Variants in SLC16A7 observed in about 807,000 individuals in gnomAD.
The protein encoded by SLC16A7 is monocarboxylate transporter 2.
Under a neutral mutation model 34.9 loss-of-function variants are expected in SLC16A7, and 33 were observed. That is an observed-to-expected ratio of 0.94 (90% confidence interval 0.72 to 1.26). The LOEUF (loss-of-function observed/expected upper bound fraction) is 1.26. SLC16A7 is among the 50% of genes most tolerant of loss of function. The pLI is 0.00. For synonymous variants in SLC16A7, 201 were observed against 206.6 expected, an observed-to-expected ratio of 0.97 and a Z score of 0.23; for missense variants, 573 against 578.1, an observed-to-expected ratio of 0.99 and a Z score of 0.09.
intron 3 of SLC16A7, among the ~76,000 whole-genome samples, chr12:59,745,094 C>T (rs941307097): frequency 6.6e-6 from 1 of 152,068 alleles, no homozygotes; most frequent in African/African-American, 2.4e-5. Flanking sequence ...GGTATTTACA[C>T]CCCTCCCCTC....
chr12:59,698,102 CTA>C (rs1010022990), intron 2 of SLC16A7, among the ~76,000 whole-genome samples: 8 of 151,590 alleles, frequency 5.3e-5, no homozygotes, highest in African/African-American at 7.3e-5. Flanking sequence ...GAGCAAAAAT[CTA>C]TGTTTTCCTA....
chr12:59,684,544 CAT>C (rs929362781), intron 2 of SLC16A7, among the ~76,000 whole-genome samples: 10 of 152,064 alleles, frequency 6.6e-5, no homozygotes, highest in African/African-American at 2.2e-4. Flanking sequence ...GTCAGAAAAA[CAT>C]AGTGTCTCTG....
chr12:59,749,897 A>AGAT (rs1315029144), intron 3 of SLC16A7, among the ~76,000 whole-genome samples: 1 of 152,236 alleles, frequency 6.6e-6, no homozygotes, highest in African/African-American at 2.4e-5. Context: ...GACTTGATGG[A>AGAT]GATGAAAGTT....
chr12:59,730,744 T>C (rs1434146280), intron 3 of SLC16A7, among the ~76,000 whole-genome samples: 1 of 152,224 alleles, frequency 6.6e-6, no homozygotes, highest in African/African-American at 2.4e-5. Flanking sequence ...AAAAACTCTT[T>C]CTTGAAATAC....
At chr12:59,717,166 G>T (rs1251279915) in intron 3 of SLC16A7, among the ~76,000 whole-genome samples, 1 of 152,138 alleles carries the variant, frequency 6.6e-6, no homozygotes, top group Non-Finnish European at 1.5e-5. Context: ...AGTGAGCATG[G>T]ATCTAGAGAC....
At chr12:59,615,291 A>T (rs146832298) in intron 1 of SLC16A7, among the ~76,000 whole-genome samples, 12 of 152,220 alleles carry the variant, frequency 7.9e-5, no homozygotes, top group African/African-American at 2.9e-4. Flanking sequence ...GCACAAACAG[A>T]CTAAGAGAAC....
At chr12:59,609,528 G>C (rs918388675) in intron 1 of SLC16A7, among the ~76,000 whole-genome samples, 69 of 147,412 alleles carry the variant, frequency 4.7e-4, no homozygotes, top group Admixed American at 4.1e-4. Context: ...AGGTAGATAG[G>C]GGGTTGGAGG....
At chr12:59,655,369 C>T (rs1056411426) in intron 2 of SLC16A7, 119 bp downstream of exon 2, 19 of 151,878 alleles carry the variant, frequency 1.3e-4, no homozygotes, top group African/African-American at 4.6e-4. Context: ...CTGTTTTAAT[C>T]CATTTTCTAA....
chr12:59,637,344 T>C (rs535664174), intron 1 of SLC16A7, among the ~76,000 whole-genome samples: 1 of 152,134 alleles, frequency 6.6e-6, no homozygotes, highest in Admixed American at 6.6e-5. Context: ...AAAAGGATTT[T>C]TTCTGCTAAA....
Position 59,771,216 on chromosome 12 carries a change from T to C in SLC16A7, c.218-3T>C. On this transcript the variant is annotated splice_polypyrimidine_tract_variant and splice_region_variant and intron_variant, in intron 3 of 5. Transcript: ENST00000547379. ...GTATTTCTTTATCTCCTCTCTGCTG[T>C]AGGTCCTGTAAGTAGTGTTTTGGTG... 6 of 1,610,882 alleles carry C rather than the reference T, an allele frequency of 3.7e-6. No individual in the cohort carries two copies. Among genetic ancestry groups the C allele is most frequent in the Middle Eastern group, 1.7e-4 (1 of 6,040 alleles).
chr12:59,707,191 T>A (rs1873689233), intron 3 of SLC16A7, among the ~76,000 whole-genome samples: 1 of 152,078 alleles, frequency 6.6e-6, no homozygotes, highest in South Asian at 2.1e-4. Context: ...TGATCAGAAC[T>A]CTTATACTGC....
At chr12:59,646,789 A>C (rs764534509) in intron 1 of SLC16A7, among the ~76,000 whole-genome samples, 8 of 152,208 alleles carry the variant, frequency 5.3e-5, no homozygotes, top group Non-Finnish European at 1.2e-4. Context: ...TCACAGGGGC[A>C]GAGCTGTTTA....
intron 2 of SLC16A7, among the ~76,000 whole-genome samples, chr12:59,660,139 C>A (rs1435723250): frequency 6.6e-6 from 1 of 151,564 alleles, no homozygotes. Context: ...TAAAAAGAAT[C>A]CTTTAGATTT....
intron 2 of SLC16A7, among the ~76,000 whole-genome samples, chr12:59,681,440 G>C (rs763970170): frequency 4.6e-5 from 7 of 150,830 alleles, no homozygotes; most frequent in African/African-American, 1.7e-4. Context: ...AGCTTTACCT[G>C]TGCCAGCAAT....
intron 2 of SLC16A7, among the ~76,000 whole-genome samples, chr12:59,685,392 C>A (rs1871076559): frequency 6.6e-6 from 1 of 152,056 alleles, no homozygotes. Context: ...TCAGCTTTGC[C>A]TCTTACATTA....
In SLC16A7 at chr12:59,773,446, G is replaced by A. The variant is rs1185472812; in HGVS notation, c.362-1211G>A. On this transcript the variant is annotated intron_variant, in intron 4 of 5. Transcript: ENST00000547379. ...ACCTTACAGAACTGTTTCAATCTAGGTAAATTAGTTAATATAGAAGAACTC... is the reference window on the plus strand; with the variant it reads ...ACCTTACAGAACTGTTTCAATCTAGATAAATTAGTTAATATAGAAGAACTC... 1.1e-4 allele frequency among the ~76,000 whole-genome samples: 15 copies of A among 138,674 alleles called. 1 individual carries two copies. Among genetic ancestry groups the A allele is most frequent in the Admixed American group, 1.0e-3 (15 of 14,748 alleles). 91.0% of individuals were successfully genotyped at this position (138,674 alleles called of 152,430 possible). A position where few individuals can be genotyped will look rare whatever the true frequency, so the allele number is the denominator to read the frequency against.
intron 3 of SLC16A7, chr12:59,733,978 A>G (rs538016785): frequency 1.6e-5 from 6 of 372,402 alleles, no homozygotes; most frequent in Non-Finnish European, 2.7e-5. Context: ...GAGGAAGTGC[A>G]TGCTGATTGG....
chr12:59,758,063 C>G (rs1213465084), intron 3 of SLC16A7, among the ~76,000 whole-genome samples: 3 of 151,880 alleles, frequency 2.0e-5, no homozygotes, highest in Middle Eastern at 3.4e-3. Flanking sequence ...ACACAGGGTC[C>G]AACACAAGGG....
intron 1 of SLC16A7, among the ~76,000 whole-genome samples, chr12:59,617,490 T>G (rs1432850670): frequency 6.6e-6 from 1 of 151,946 alleles, no homozygotes; most frequent in Non-Finnish European, 1.5e-5. Context: ...CAAACTAGAA[T>G]TTTGAAAATA....
Sources: allele counts gnomAD v4.1 joint callset (sites outside exome capture counted in the v4.1 genomes callset), GRCh38; gene constraint gnomAD v4.1.1; transcripts MANE v1.5; gene names NCBI Gene and HGNC (gene_info 2026-07-23, HGNC 2026-07-21).